The following TRPM3 variants were observed in gnomAD, a reference collection of about 807,000 sequenced individuals.
TRPM3 encodes transient receptor potential cation channel subfamily M member 3.
TRPM3 carries 77 observed loss-of-function variants against 181.2 expected under a neutral mutation model. That is an observed-to-expected ratio of 0.42 (90% CI 0.35 to 0.51). TRPM3 has a LOEUF of 0.51. TRPM3 is among the 20% of genes least tolerant of loss of function. TRPM3 has a pLI of 0.01. For synonymous variants in TRPM3, 745 were observed against 796.4 expected (o/e 0.94, Z 1.09); for missense variants, 1,759 against 2,196.7 (o/e 0.80, Z 3.98).
In TRPM3 at chr9:70,761,631, G is replaced by A. The variant is rs1564168707; in HGVS notation, c.1242C>T (p.Ile414=). The change falls in exon 8 of 26, where the codon ATC becomes ATT. Residue 414 remains isoleucine (I), a synonymous_variant. Transcript: ENST00000677713. ...CCTTCTTCTTCATGCACTCCATGAG[G>A]ATGATGAACAGATGCTGAGCTTGGG... ...TRTQAQHLFI[I]LMECMKKKEL... 1 of 1,613,980 alleles carries A rather than the reference G, an allele frequency of 6.2e-7. No homozygotes were observed. Among genetic ancestry groups the A allele is most frequent in the Non-Finnish European group, 8.5e-7 (1 of 1,179,934 alleles).
chr9:71,031,525 A>T (rs1223776144), intron 1 of TRPM3, among the ~76,000 whole-genome samples: 1 of 152,164 alleles, frequency 6.6e-6, no homozygotes, highest in African/African-American at 2.4e-5. Context: ...TAAGAAAGCC[A>T]GATACCTGAC....
chr9:71,101,391 A>G (rs1315694139), intron 1 of TRPM3, among the ~76,000 whole-genome samples: 1 of 152,292 alleles, frequency 6.6e-6, no homozygotes, highest in Non-Finnish European at 1.5e-5. Context: ...CTAATGTAGG[A>G]AAATGTGCCA....
chr9:71,390,611 G>A (rs555116527), intron 1 of TRPM3, among the ~76,000 whole-genome samples: 1 of 151,996 alleles, frequency 6.6e-6, no homozygotes, highest in South Asian at 2.1e-4. Flanking sequence ...TTCCATCTTG[G>A]CTGTGCATGG....
chr9:71,228,148 A>C (rs1177901461), intron 1 of TRPM3, among the ~76,000 whole-genome samples: 3 of 152,156 alleles, frequency 2.0e-5, no homozygotes, highest in Non-Finnish European at 2.9e-5. Flanking sequence ...ACCAAGTTGG[A>C]TTTATCTTAG....
intron 1 of TRPM3, among the ~76,000 whole-genome samples, chr9:71,344,645 C>T (rs1017781091): frequency 6.6e-6 from 1 of 152,054 alleles, no homozygotes; most frequent in African/African-American, 2.4e-5. Context: ...TTAGAAGAAA[C>T]ATAGGACAAT....
chr9:71,273,745 T>A (rs901359399), intron 1 of TRPM3, among the ~76,000 whole-genome samples: 1 of 152,200 alleles, frequency 6.6e-6, no homozygotes, highest in Non-Finnish European at 1.5e-5. Context: ...TGTATGCAAC[T>A]TTTTAATGTT....
chr9:71,427,601 C>A (rs988578399), intron 1 of TRPM3, among the ~76,000 whole-genome samples: 21 of 152,218 alleles, frequency 1.4e-4, no homozygotes, highest in African/African-American at 5.1e-4. Context: ...AAAATCATGT[C>A]ATTTGCAGCA....
rs138142009 is a variant in TRPM3 at position 70,793,906 on chromosome 9, T to C, written c.974-9627A>G. 2.4e-3 allele frequency among the ~76,000 whole-genome samples: 361 copies of C among 152,250 alleles called. 3 individuals are homozygous for C. The highest frequency in any genetic ancestry group is 8.1e-3 in the African/African-American group (337 of 41,562). ...ACTTTGTGTTAGATGATTGTACCCATGTGTTGGCTCATGTAAACGCTCTGG... is the reference window on the plus strand; with the variant it reads ...ACTTTGTGTTAGATGATTGTACCCACGTGTTGGCTCATGTAAACGCTCTGG... On this transcript the variant is annotated intron_variant, in intron 6 of 25. Coordinates refer to ENST00000677713, the MANE Select transcript of TRPM3 (RefSeq NM_001366145.2).
Position 70,889,968 on chromosome 9 carries a change from TATAA to T in TRPM3, c.178-25461_178-25458del, listed in dbSNP as rs752497209. ...ATACTATATATAACATACTATAAAA[TATAA>T]ATATTTATAGCATATTATATATTTA... is the stretch of plus-strand genomic sequence containing the variant. On this transcript the variant is annotated intron_variant, in intron 1 of 25. Coordinates refer to ENST00000677713, the MANE Select transcript of TRPM3 (RefSeq NM_001366145.2). Among the ~76,000 whole-genome samples, 91 of 148,166 alleles carry T rather than the reference TATAA, an allele frequency of 6.1e-4. 1 individual carries two copies. The highest frequency in any genetic ancestry group is 1.2e-3 in the Non-Finnish European group (81 of 67,258).
intron 7 of TRPM3, chr9:70,774,049 T>C (rs1157035258): frequency 1.3e-5 from 2 of 152,250 alleles, no homozygotes; most frequent in African/African-American, 4.8e-5. Flanking sequence ...CGCTTTCTTC[T>C]GCACTGAGAT....
chr9:71,400,633 T>G (rs574534964), intron 1 of TRPM3, among the ~76,000 whole-genome samples: 1 of 152,252 alleles, frequency 6.6e-6, no homozygotes, highest in South Asian at 2.1e-4. Context: ...ATTAAATTTT[T>G]TGAAATTATT....
chr9:71,257,217 T>G (rs879307962), intron 1 of TRPM3, among the ~76,000 whole-genome samples: 1 of 152,254 alleles, frequency 6.6e-6, no homozygotes, highest in Admixed American at 6.5e-5. Context: ...ATCAAGATTA[T>G]GAGGCTCTAA....
At chr9:71,094,297 AT>A (rs1288928926) in intron 1 of TRPM3, among the ~76,000 whole-genome samples, 1 of 152,126 alleles carries the variant, frequency 6.6e-6, no homozygotes, top group Non-Finnish European at 1.5e-5. Context: ...ACTTAAAAAA[AT>A]ATTTGGTTGC....
intron 1 of TRPM3, among the ~76,000 whole-genome samples, chr9:71,062,838 T>G (rs188066756): frequency 2.0e-5 from 3 of 152,100 alleles, no homozygotes; most frequent in African/African-American, 7.2e-5. Flanking sequence ...TTCCGCCTTC[T>G]ACCACAGATA....
intron 1 of TRPM3, among the ~76,000 whole-genome samples, chr9:70,920,875 AT>A (rs1197173257): frequency 6.6e-6 from 1 of 152,208 alleles, no homozygotes; most frequent in Non-Finnish European, 1.5e-5. Flanking sequence ...TTAGGCATTC[AT>A]TTTTAGCAGA....
At chr9:71,343,654 C>A (rs887994324) in intron 1 of TRPM3, among the ~76,000 whole-genome samples, 4 of 152,190 alleles carry the variant, frequency 2.6e-5, no homozygotes, top group African/African-American at 9.6e-5. Context: ...TATTTATATT[C>A]TATCTCTGTC....
intron 7 of TRPM3, among the ~76,000 whole-genome samples, chr9:70,768,279 T>C (rs1257686537): frequency 6.6e-6 from 1 of 152,238 alleles, no homozygotes; most frequent in East Asian, 1.9e-4. Context: ...TAGTTTCTCC[T>C]TTTGATCCAG....
intron 1 of TRPM3, among the ~76,000 whole-genome samples, chr9:71,326,263 T>G (rs1178795508): frequency 6.6e-6 from 1 of 152,122 alleles, no homozygotes. Context: ...TTAGAAGAAA[T>G]CAAGAAACAT....
At chr9:71,288,779 G>A (rs564410895) in intron 1 of TRPM3, among the ~76,000 whole-genome samples, 11 of 152,096 alleles carry the variant, frequency 7.2e-5, no homozygotes, top group Admixed American at 1.3e-4. Flanking sequence ...AAAGAAAAAA[G>A]TTGAGGGCCC....
Sources: allele counts gnomAD v4.1 joint callset (sites outside exome capture counted in the v4.1 genomes callset), GRCh38; gene constraint gnomAD v4.1.1; transcripts MANE v1.5; gene names NCBI Gene and HGNC (gene_info 2026-07-23, HGNC 2026-07-21).